The following MPRIP variants were observed in gnomAD, a reference collection of about 807,000 sequenced individuals.
The protein encoded by MPRIP is myosin phosphatase Rho interacting protein.
In MPRIP, 59 loss-of-function variants were observed where a neutral mutation model predicts 234.9. That is an observed-to-expected ratio of 0.25 (90% CI 0.20 to 0.31). The LOEUF (loss-of-function observed/expected upper bound fraction) is 0.31, where lower values mean the gene tolerates loss of function less well. Ranked by LOEUF, MPRIP falls within the 10% of genes least tolerant of loss-of-function variation. MPRIP has a pLI of 1.00. For synonymous variants in MPRIP, 1,144 were observed against 1,263.9 expected, an observed-to-expected ratio of 0.91 and a Z score of 2.01; for missense variants, 2,436 against 3,071.0, an observed-to-expected ratio of 0.79 and a Z score of 4.89.
At chr17:17,161,970 G>A (rs561909447) in intron 15 of MPRIP, among the ~76,000 whole-genome samples, 110 of 152,368 alleles carry the variant, frequency 7.2e-4, no homozygotes, top group Middle Eastern at 3.4e-3. Context: ...GCCCAAGGGC[G>A]TGCCTATGTC....
At chr17:17,109,082 C>T (rs1198815361) in intron 3 of MPRIP, among the ~76,000 whole-genome samples, 1 of 152,264 alleles carries the variant, frequency 6.6e-6, no homozygotes, top group Non-Finnish European at 1.5e-5. Flanking sequence ...TCTCCTTACC[C>T]TCGCCACTTT....
At chr17:17,122,346 T>C (rs1241998950) in intron 3 of MPRIP, among the ~76,000 whole-genome samples, 1 of 151,754 alleles carries the variant, frequency 6.6e-6, no homozygotes, top group African/African-American at 2.4e-5. Context: ...TTTTTTTGTT[T>C]ATTTGTTTTG....
chr17:17,129,488 A>G (rs760509428), intron 4 of MPRIP, among the ~76,000 whole-genome samples: 3 of 152,170 alleles, frequency 2.0e-5, no homozygotes, highest in Non-Finnish European at 4.4e-5. Flanking sequence ...TCCATCATCT[A>G]TTCCTGGACC....
At chr17:17,088,344 G>A (rs796756841) in intron 3 of MPRIP, among the ~76,000 whole-genome samples, 7 of 152,310 alleles carry the variant, frequency 4.6e-5, no homozygotes, top group South Asian at 2.1e-4. Context: ...GTGAAGGCTC[G>A]TGATAACGTA....
chr17:17,051,323 A>G (rs1171691295), intron 1 of MPRIP, among the ~76,000 whole-genome samples: 10 of 152,116 alleles, frequency 6.6e-5, no homozygotes, highest in Admixed American at 5.2e-4. Flanking sequence ...AAGACATCCT[A>G]CTACTGGACA....
chr17:17,150,073 C>T (rs902015769), intron 11 of MPRIP, 71 bp from the exon 12 acceptor site: 21 of 1,110,034 alleles, frequency 1.9e-5, no homozygotes, highest in South Asian at 1.2e-4. Flanking sequence ...AAATCACTTA[C>T]GGAAATTTGC....
At chr17:17,045,735 C>T (rs1232828201) in intron 1 of MPRIP, among the ~76,000 whole-genome samples, 1 of 152,036 alleles carries the variant, frequency 6.6e-6, no homozygotes, top group Non-Finnish European at 1.5e-5. Flanking sequence ...TTCCAGGCCC[C>T]TGTTCACAGA....
chr17:17,045,407 A>G (rs1396805973), intron 1 of MPRIP, among the ~76,000 whole-genome samples: 1 of 152,206 alleles, frequency 6.6e-6, no homozygotes, highest in East Asian at 1.9e-4. Context: ...TCAGACCTGG[A>G]AGGGACTTGG....
In MPRIP at chr17:17,109,439, G is replaced by T. The variant is rs150242468; in HGVS notation, c.268-17263G>T. Among the ~76,000 whole-genome samples, 334 of 152,358 alleles carry T rather than the reference G, an allele frequency of 2.2e-3. 2 individuals are homozygous for T. Among genetic ancestry groups the T allele is most frequent in the African/African-American group, 7.7e-3 (321 of 41,580 alleles). On this transcript the variant is annotated intron_variant, in intron 3 of 23. Coordinates refer to ENST00000651222, the MANE Select transcript of MPRIP (RefSeq NM_001364716.4). Reference sequence around the variant, plus strand: ...CAACAGTTAAGTAAATGGACGGCAGGTGGCAGGAGCCACTGTTGCACACAG... The same window carrying T: ...CAACAGTTAAGTAAATGGACGGCAGTTGGCAGGAGCCACTGTTGCACACAG...
rs1217193155 is a variant in MPRIP at position 17,164,157 on chromosome 17, G to C, written c.2566G>C (p.Val856Leu). Residue 856 changes from valine to leucine, a missense_variant, in exon 16 of 24, where the codon GTC becomes CTC. Coordinates refer to ENST00000651222, the MANE Select transcript of MPRIP (RefSeq NM_001364716.4). ...GGGTGCCTGGCAGAGGCTCCATAGA[G>C]TCAACCAAGACCTTCAAAGTGAGCT... is the stretch of plus-strand genomic sequence containing the variant. ...PSGAWQRLHR[V>L]NQDLQSELEA... The C allele has an allele frequency of 7.7e-7, 1 of 1,304,296 alleles. No individual in the cohort carries two copies. Among genetic ancestry groups the C allele is most frequent in the Admixed American group, 2.3e-5 (1 of 43,574 alleles). The allele number at this position is 1,304,296 out of a possible 1,614,324, so 80.8% of individuals were successfully genotyped here.
chr17:17,157,893 T>A (rs553528488), intron 13 of MPRIP, among the ~76,000 whole-genome samples: 26 of 152,028 alleles, frequency 1.7e-4, no homozygotes, highest in African/African-American at 5.3e-4. Context: ...TAAGCCCTTC[T>A]AGAAAGTGCT....
intron 7 of MPRIP, among the ~76,000 whole-genome samples, chr17:17,140,306 G>A (rs1055282795): frequency 1.3e-5 from 2 of 152,120 alleles, no homozygotes; most frequent in African/African-American, 4.8e-5. Flanking sequence ...GTCTCCTGTC[G>A]CCTGGGACAG....
chr17:17,069,802 G>A (rs2089150993), intron 1 of MPRIP, among the ~76,000 whole-genome samples: 1 of 152,110 alleles, frequency 6.6e-6, no homozygotes, highest in Non-Finnish European at 1.5e-5. Context: ...TCAAGAGAAG[G>A]AAAGCCTAAT....
At chr17:17,085,456 C>A (rs2089567060) in intron 3 of MPRIP, among the ~76,000 whole-genome samples, 1 of 152,230 alleles carries the variant, frequency 6.6e-6, no homozygotes, top group South Asian at 2.1e-4. Context: ...TAGGTGCTTT[C>A]AGACTTTTGG....
At chr17:17,065,848 G>A (rs181641468) in intron 1 of MPRIP, among the ~76,000 whole-genome samples, 3 of 152,220 alleles carry the variant, frequency 2.0e-5, no homozygotes, top group East Asian at 3.9e-4. Flanking sequence ...GTTGTGTAGT[G>A]TTCAGCATTT....
rs2046584060 is a variant in MPRIP, at chr17:17,191,408, T to G, written c.*6514T>G. ...TGGAGCTGTTTGGATTCCCCAGCCC[T>G]TTGGTCATATCCTGGAATTCCGTGG... On this transcript the variant is annotated 3_prime_UTR_variant, in exon 24 of 24. Transcript: ENST00000651222. 2.0e-5 allele frequency: 3 copies of G among 152,254 alleles called. No homozygotes were observed. The highest frequency in any genetic ancestry group is 2.0e-4 in the Admixed American group (3 of 15,284). 9.4% of individuals were successfully genotyped at this position (152,254 alleles called of 1,614,324 possible). A position where few individuals can be genotyped will look rare whatever the true frequency, so the allele number is the denominator to read the frequency against.
intron 21 of MPRIP, 42 bp downstream of exon 21, chr17:17,176,554 C>CGCATGTCACCTAGAGCCTGT: frequency 1.4e-6 from 2 of 1,466,016 alleles, no homozygotes; most frequent in Non-Finnish European, 1.9e-6. Flanking sequence ...CGGGAACAGG[C>CGCATGTCACCTAGAGCCTGT]TCTAGGTGAC....
chr17:17,150,622 A>C (rs2045579689), intron 12 of MPRIP, among the ~76,000 whole-genome samples: 1 of 148,368 alleles, frequency 6.7e-6, no homozygotes, highest in Non-Finnish European at 1.5e-5. Context: ...GTGTTTGTTC[A>C]TTCATTTACT....
chr17:17,111,154 AAAC>A (rs1250458520), intron 3 of MPRIP, among the ~76,000 whole-genome samples: 2 of 145,494 alleles, frequency 1.4e-5, no homozygotes, highest in East Asian at 2.0e-4. Flanking sequence ...TTAAAAAAAA[AAAC>A]CAAAAAAAAA....
Sources: allele counts gnomAD v4.1 joint callset (sites outside exome capture counted in the v4.1 genomes callset), GRCh38; gene constraint gnomAD v4.1.1; transcripts MANE v1.5; gene names NCBI Gene and HGNC (gene_info 2026-07-23, HGNC 2026-07-21).